CSMD1: variants seen among roughly 807,000 people sequenced by gnomAD.
The protein encoded by CSMD1 is CUB and Sushi multiple domains 1, also known as CUB and sushi domain-containing protein 1.
CSMD1 carries 213 observed loss-of-function variants against 417.5 expected under a neutral mutation model. The ratio of observed to expected loss-of-function variants is 0.51; its 90% confidence interval spans 0.46 to 0.57. The LOEUF is 0.57. CSMD1 is among the 20% of genes least tolerant of loss of function. The pLI, the probability that CSMD1 is intolerant of heterozygous loss-of-function variation, is 0.00. For missense variants in CSMD1, 6,923 were observed against 4,529.7 expected (o/e 1.53, Z -15.17); for synonymous variants, 2,862 against 1,736.8 (o/e 1.65, Z -16.11).
At chr8:3,073,541 A>G (rs1813451709) in intron 49 of CSMD1, among the ~76,000 whole-genome samples, 1 of 152,218 alleles carries the variant, frequency 6.6e-6, no homozygotes, top group Non-Finnish European at 1.5e-5. Flanking sequence ...AGCTCTATGT[A>G]TAAATGAAAT....
chr8:4,302,255 G>T (rs919638498), intron 3 of CSMD1, among the ~76,000 whole-genome samples: 1 of 152,210 alleles, frequency 6.6e-6, no homozygotes, highest in East Asian at 1.9e-4. Context: ...TGTTTTAGGT[G>T]ATGGTCTGGG....
intron 23 of CSMD1, among the ~76,000 whole-genome samples, chr8:3,322,748 G>A (rs1389598898): frequency 2.0e-5 from 3 of 152,164 alleles, no homozygotes; most frequent in African/African-American, 7.2e-5. Flanking sequence ...GGCATATCAC[G>A]AGTACCCGTA....
chr8:3,998,649 T>C (rs771111011), intron 4 of CSMD1, among the ~76,000 whole-genome samples: 2 of 152,070 alleles, frequency 1.3e-5, no homozygotes, highest in African/African-American at 2.4e-5. Context: ...AGGTTCTGAG[T>C]AGAAAACAGT....
chr8:4,067,186 C>T (rs1799297308), intron 3 of CSMD1, among the ~76,000 whole-genome samples: 1 of 152,176 alleles, frequency 6.6e-6, no homozygotes, highest in African/African-American at 2.4e-5. Context: ...AAAGGCTATC[C>T]TCCGTCTTTG....
At chr8:4,799,526 G>T (rs987054473) in intron 1 of CSMD1, among the ~76,000 whole-genome samples, 1 of 140,764 alleles carries the variant, frequency 7.1e-6, no homozygotes, top group Non-Finnish European at 1.5e-5. Flanking sequence ...TTGAACCCAG[G>T]AGGCGGAGGT....
At chr8:2,948,398 T>A (rs181068446) in intron 68 of CSMD1, among the ~76,000 whole-genome samples, 91 of 152,062 alleles carry the variant, frequency 6.0e-4, no homozygotes, top group African/African-American at 2.0e-3. Context: ...TTTCCACATA[T>A]GTTCCTCCTT....
At chr8:4,216,195 T>C (rs548400635) in intron 3 of CSMD1, among the ~76,000 whole-genome samples, 1 of 152,314 alleles carries the variant, frequency 6.6e-6, no homozygotes, top group South Asian at 2.1e-4. Flanking sequence ...TTTGTCAACA[T>C]TGCGATGGCC....
chr8:3,550,445 A>C (rs751502143), intron 10 of CSMD1, among the ~76,000 whole-genome samples: 1 of 152,176 alleles, frequency 6.6e-6, no homozygotes, highest in African/African-American at 2.4e-5. Flanking sequence ...TAATCTTTTA[A>C]AAGTTTTTTA....
chr8:4,410,096 G>A (rs553380380), intron 3 of CSMD1, among the ~76,000 whole-genome samples: 5 of 152,286 alleles, frequency 3.3e-5, no homozygotes, highest in African/African-American at 1.2e-4. Context: ...TTACAGCCAT[G>A]AGCCACCGTA....
At chr8:3,322,728 G>A (rs1488329151) in intron 23 of CSMD1, among the ~76,000 whole-genome samples, 1 of 152,190 alleles carries the variant, frequency 6.6e-6, no homozygotes, top group East Asian at 1.9e-4. Context: ...GGGCAAGGTT[G>A]CCCATCCAGG....
Position 3,983,393 on chromosome 8 carries a change from T to C in CSMD1, c.818+14510A>G, listed in dbSNP as rs183303939. Among the ~76,000 whole-genome samples, 1,064 of 152,000 alleles carry C rather than the reference T, an allele frequency of 7.0e-3. 9 individuals are homozygous for C. The highest frequency in any genetic ancestry group is 9.9e-3 in the Non-Finnish European group (676 of 67,954). ...GATCCCTCTTTCTTGCCCTCCCAAA[T>C]TGCTGGGATTACAGGCGTGAGCCAC... On this transcript the variant is annotated intron_variant, in intron 5 of 69. Transcript: ENST00000635120.
chr8:4,032,475 C>T (rs958939291), intron 3 of CSMD1, among the ~76,000 whole-genome samples: 3 of 152,170 alleles, frequency 2.0e-5, no homozygotes, highest in African/African-American at 7.2e-5. Context: ...CTATAGAAAT[C>T]TAAAACAGTG....
At chr8:4,858,303 A>G (rs200751172) in intron 1 of CSMD1, among the ~76,000 whole-genome samples, 23 of 151,844 alleles carry the variant, frequency 1.5e-4, no homozygotes, top group African/African-American at 5.1e-4. Context: ...CCCACAGCCA[A>G]TATCATACTG....
At chr8:4,581,615 T>A (rs1349851182) in intron 2 of CSMD1, among the ~76,000 whole-genome samples, 2 of 152,372 alleles carry the variant, frequency 1.3e-5, no homozygotes, top group South Asian at 2.1e-4. Context: ...TATTTAGGAA[T>A]TGATTCCTCA....
chr8:4,356,953 G>A (rs183492522), intron 3 of CSMD1, among the ~76,000 whole-genome samples: 4 of 152,234 alleles, frequency 2.6e-5, no homozygotes, highest in African/African-American at 4.8e-5. Context: ...AAATATAATA[G>A]CAACTGAAAG....
chr8:3,535,756 T>C (rs541936735), intron 10 of CSMD1, among the ~76,000 whole-genome samples: 1 of 152,352 alleles, frequency 6.6e-6, no homozygotes, highest in African/African-American at 2.4e-5. Flanking sequence ...TATGTAGTGC[T>C]TGGCAGTTCA....
intron 3 of CSMD1, among the ~76,000 whole-genome samples, chr8:4,290,851 C>A (rs1275591731): frequency 1.3e-5 from 2 of 152,134 alleles, no homozygotes; most frequent in Admixed American, 6.6e-5. Context: ...ATGAAAATAT[C>A]CATCTGTTTC....
intron 1 of CSMD1, among the ~76,000 whole-genome samples, chr8:4,950,418 T>G (rs185477844): frequency 1.4e-3 from 212 of 152,274 alleles, no homozygotes; most frequent in Admixed American, 4.4e-3. Flanking sequence ...GTTTTTAGAT[T>G]CTTTTATTTT....
At chr8:4,370,318 CTGATGGGGGTCCCTT>C (rs145076499) in intron 3 of CSMD1, among the ~76,000 whole-genome samples, 6,993 of 152,216 alleles carry the variant, frequency 0.046, 197 homozygotes, top group Non-Finnish European at 0.069. Context: ...TGCTGTTAGC[CTGATGGGGGTCCCTT>C]TGTAAGTGAC....
Sources: allele counts gnomAD v4.1 joint callset (sites outside exome capture counted in the v4.1 genomes callset), GRCh38; gene constraint gnomAD v4.1.1; transcripts MANE v1.5; gene names NCBI Gene and HGNC (gene_info 2026-07-23, HGNC 2026-07-21).